Variants in SUMF2 observed in about 807,000 individuals in gnomAD.
The protein encoded by SUMF2 is inactive C-alpha-formylglycine-generating enzyme 2.
In SUMF2, 45 loss-of-function variants were observed where a neutral mutation model predicts 44.8. That is an observed-to-expected ratio of 1.00 (90% confidence interval 0.79 to 1.29). The LOEUF is 1.29. Among genes scored for constraint, SUMF2 ranks in the 50% most tolerant of loss-of-function variants. SUMF2 has a pLI of 0.00. For synonymous variants in SUMF2, 148 were observed against 150.4 expected (o/e 0.98, Z 0.12); for missense variants, 418 against 389.9 (o/e 1.07, Z -0.61).
downstream of SUMF2, chr7:56,083,730 G>C: frequency 6.4e-7 from 1 of 1,555,514 alleles, no homozygotes; most frequent in Non-Finnish European, 8.8e-7. Flanking sequence ...GGAAACAGAG[G>C]GTTGATAGCT....
chr7:56,081,583 G>A (rs1212250691), downstream of SUMF2: 4 of 1,605,594 alleles, frequency 2.5e-6, no homozygotes, highest in Non-Finnish European at 3.4e-6. The surrounding 1 kb of genome is among the most constrained non-coding windows in gnomAD (Gnocchi z 4.6). Flanking sequence ...GGGGCTTAGA[G>A]GTTTGCACTT....
chr7:56,076,959 A>G, intron 6 of SUMF2, 70 bp downstream of exon 6: 1 of 1,471,902 alleles, frequency 6.8e-7, no homozygotes, highest in Non-Finnish European at 9.3e-7. Context: ...CTGTGTTGTT[A>G]GGCCGCGGCA....
chr7:56,083,109 A>G (rs1035342734), downstream of SUMF2: 1 of 602,308 alleles, frequency 1.7e-6, no homozygotes, highest in South Asian at 2.3e-5. Flanking sequence ...CCATCTCAAA[A>G]AAAAAAAAAA....
At position 56,064,918 on chromosome 7, in the gene SUMF2, C is replaced by G. The variant is rs907338065; in HGVS notation, c.67+540C>G. On this transcript the variant is annotated intron_variant, in intron 1 of 8. Transcript: ENST00000434526. ...AAAAAAAAAAAAAAAAAAGGCCGGA[C>G]GCGGTGGCTCACGCCTGTAATCCCA... is the stretch of plus-strand genomic sequence containing the variant. 1.1e-4 allele frequency among the ~76,000 whole-genome samples: 14 copies of G among 129,830 alleles called. 1 individual carries two copies. Among genetic ancestry groups the G allele is most frequent in the South Asian group, 7.4e-4 (3 of 4,032 alleles). The allele number at this position is 129,830 out of a possible 152,430, so 85.2% of individuals were successfully genotyped here.
chr7:56,068,200 A>AT (rs1413037293), intron 1 of SUMF2, among the ~76,000 whole-genome samples: 158 of 145,360 alleles, frequency 1.1e-3, no homozygotes, highest in Middle Eastern at 3.5e-3. Flanking sequence ...CGCCCGGCTA[A>AT]TTTTTTTTTT....
chr7:56,066,659 C>T (rs1375259631), intron 1 of SUMF2, among the ~76,000 whole-genome samples: 3 of 152,196 alleles, frequency 2.0e-5, no homozygotes, highest in Non-Finnish European at 4.4e-5. Flanking sequence ...TCGCTCCTGT[C>T]GCCCAGGCCG....
At chr7:56,067,584 A>AT (rs1448586561) in intron 1 of SUMF2, among the ~76,000 whole-genome samples, 1 of 151,820 alleles carries the variant, frequency 6.6e-6, no homozygotes, top group Non-Finnish European at 1.5e-5. Context: ...AGATATCCCC[A>AT]TTTTTCAGAT....
intron 8 of SUMF2, 107 bp from the exon 9 acceptor site, chr7:56,079,421 A>G (rs1795822985): frequency 2.6e-6 from 3 of 1,145,458 alleles, no homozygotes; most frequent in South Asian, 1.5e-5. Context: ...CCCAGCCCTC[A>G]TGCTCCCTGA....
chr7:56,083,727 G>A (rs1313889382), downstream of SUMF2: 8 of 1,561,582 alleles, frequency 5.1e-6, no homozygotes, highest in Middle Eastern at 5.0e-4. Context: ...TGTGGAAACA[G>A]AGGGTTGATA....
At chr7:56,080,918 C>T, downstream of SUMF2, 3 of 1,006,600 alleles carry the variant, frequency 3.0e-6, no homozygotes, top group East Asian at 2.6e-5. Context: ...GGGATCGTGG[C>T]CTCAGTTCCA....
At chr7:56,087,821 A>G in the SUMF2 span, 10 of 1,519,778 alleles carry the variant, frequency 6.6e-6, no homozygotes, top group Non-Finnish European at 8.1e-6. Flanking sequence ...CCCTCACCCC[A>G]TGGGGGGTCC....
At chr7:56,076,438 G>C (rs1305756109) in intron 5 of SUMF2, 1 of 159,322 alleles carries the variant, frequency 6.3e-6, no homozygotes, top group Admixed American at 6.5e-5. Context: ...GGGATTACAA[G>C]TGTGAGCCAC....
downstream of SUMF2, chr7:56,081,643 C>CG (rs758001277): frequency 3.8e-5 from 61 of 1,613,556 alleles, no homozygotes; most frequent in African/African-American, 7.7e-4. This position sits in a 1 kb window ranked among gnomAD's most constrained non-coding sequence, Gnocchi z 4.6. Context: ...GAACTTCCCC[C>CG]GGGGGCTGAA....
chr7:56,084,092 G>A (rs1796145791), downstream of SUMF2: 1 of 938,298 alleles, frequency 1.1e-6, no homozygotes, highest in South Asian at 1.4e-5. Flanking sequence ...AGGCCAGGAT[G>A]GCTAGAAGTG....
At chr7:56,082,123 C>T, downstream of SUMF2, 1 of 1,612,198 alleles carries the variant, frequency 6.2e-7, no homozygotes, top group Non-Finnish European at 8.5e-7. Context: ...CCTCCCTTGC[C>T]CAGCCTAGCT....
chr7:56,080,967 G>C (rs2117525709), downstream of SUMF2: 1 of 1,480,086 alleles, frequency 6.8e-7, no homozygotes, highest in South Asian at 1.2e-5. Flanking sequence ...TTCTGCAGAG[G>C]CCTGCACGCA....
downstream of SUMF2, chr7:56,080,771 C>T (rs568859076): frequency 8.3e-6 from 4 of 480,472 alleles, no homozygotes; most frequent in East Asian, 1.5e-4. Context: ...GATGGTGGCT[C>T]ATCTAGGAAG....
chr7:56,081,891 A>C (rs753255332), downstream of SUMF2: 1 of 1,613,272 alleles, frequency 6.2e-7, no homozygotes, highest in South Asian at 1.1e-5. The surrounding 1 kb of genome is among the most constrained non-coding windows in gnomAD (Gnocchi z 4.6). Context: ...CTGGCCTCTC[A>C]CCAGGTCCTT....
downstream of SUMF2, chr7:56,083,199 A>C: frequency 7.2e-5 from 94 of 1,306,044 alleles, no homozygotes; most frequent in Non-Finnish European, 9.1e-5. Context: ...TTAGGGGAGA[A>C]ACCCAGACCA....
Sources: allele counts gnomAD v4.1 joint callset (sites outside exome capture counted in the v4.1 genomes callset), GRCh38; gene constraint gnomAD v4.1.1; non-coding constraint Gnocchi (gnomAD v3.1); transcripts MANE v1.5; gene names NCBI Gene and HGNC (gene_info 2026-07-23, HGNC 2026-07-21).